ARHGAP32: variants seen among roughly 807,000 people sequenced by gnomAD.
ARHGAP32 encodes rho GTPase-activating protein 32.
ARHGAP32 carries 51 observed loss-of-function variants against 186.5 expected under a neutral mutation model. That is an observed-to-expected ratio of 0.27 (90% CI 0.22 to 0.35). ARHGAP32 has a LOEUF of 0.35. Ranked by LOEUF, ARHGAP32 falls within the 10% of genes least tolerant of loss-of-function variation. The probability of loss-of-function intolerance (pLI) is 1.00; values close to 1 mark genes in which losing one functional copy is unlikely to be tolerated. For synonymous variants in ARHGAP32, 950 were observed against 964.3 expected (o/e 0.99, Z 0.27); for missense variants, 2,186 against 2,623.5 (o/e 0.83, Z 3.64).
chr11:128,989,516 T>TCACACACACACACACA (rs56090706), intron 12 of ARHGAP32, among the ~76,000 whole-genome samples: 2,357 of 138,912 alleles, frequency 0.017, 42 homozygotes, highest in Non-Finnish European at 0.022. Context: ...GTTTTTTATT[T>TCACACACACACACACA]CACACACACA....
chr11:129,071,527 A>G (rs1174959242), intron 6 of ARHGAP32, among the ~76,000 whole-genome samples: 3 of 152,168 alleles, frequency 2.0e-5, no homozygotes, highest in Admixed American at 1.3e-4. Context: ...TGCATCCGTC[A>G]AAATGGCTAT....
chr11:129,190,553 G>A (rs190002483), intron 1 of ARHGAP32, among the ~76,000 whole-genome samples: 2 of 152,290 alleles, frequency 1.3e-5, no homozygotes, highest in African/African-American at 4.8e-5. Flanking sequence ...AGGAAAAGAA[G>A]AGCTCATCCT....
At chr11:129,037,359 T>C (rs368967367) in intron 11 of ARHGAP32, among the ~76,000 whole-genome samples, 344 of 150,698 alleles carry the variant, frequency 2.3e-3, no homozygotes, top group African/African-American at 8.4e-3. Context: ...CCTGGCACAG[T>C]GGCACATGCC....
At chr11:129,049,585 G>A (rs749819379) in intron 10 of ARHGAP32, among the ~76,000 whole-genome samples, 2 of 151,920 alleles carry the variant, frequency 1.3e-5, no homozygotes, top group Admixed American at 6.6e-5. Context: ...TTTTTATCAC[G>A]ATATATTACT....
intron 3 of ARHGAP32, 64 bp downstream of exon 3, chr11:129,124,739 G>C (rs960925475): frequency 7.9e-7 from 1 of 1,267,550 alleles, no homozygotes; most frequent in African/African-American, 1.5e-5. Flanking sequence ...AGTTTTAAGA[G>C]AATTGAAGAA....
intron 1 of ARHGAP32, among the ~76,000 whole-genome samples, chr11:129,217,116 C>T (rs1944658447): frequency 6.6e-6 from 1 of 151,944 alleles, no homozygotes; most frequent in Non-Finnish European, 1.5e-5. Flanking sequence ...ATAGTTTTGA[C>T]TTTATGTTTG....
At chr11:129,112,150 G>T (rs1349575589) in intron 5 of ARHGAP32, among the ~76,000 whole-genome samples, 1 of 152,062 alleles carries the variant, frequency 6.6e-6, no homozygotes, top group African/African-American at 2.4e-5. Context: ...GGCTGAGACA[G>T]GAGAATTGTT....
At chr11:129,089,159 T>A (rs1476316630) in intron 6 of ARHGAP32, among the ~76,000 whole-genome samples, 1 of 152,188 alleles carries the variant, frequency 6.6e-6, no homozygotes, top group African/African-American at 2.4e-5. Flanking sequence ...GATAAGAATT[T>A]GTTCTTCTTT....
At position 129,055,846 on chromosome 11, in the gene ARHGAP32, C is replaced by T. The variant is rs1412275506; in HGVS notation, c.963+6434G>A. Among the ~76,000 whole-genome samples the T allele has an allele frequency of 2.6e-5, 4 of 152,170 alleles. No homozygotes were observed. In the South Asian group the frequency reaches 8.3e-4, roughly 32 times the overall value. On this transcript the variant is annotated intron_variant, in intron 10 of 22. Coordinates refer to ENST00000682385, the MANE Select transcript of ARHGAP32 (RefSeq NM_001378024.1). Reference sequence around the variant, plus strand: ...AGTATGAAAACTATAATGGTGGATACATGCTATTACACATTTGTCAAAACC... The same window carrying T: ...AGTATGAAAACTATAATGGTGGATATATGCTATTACACATTTGTCAAAACC...
intron 10 of ARHGAP32, among the ~76,000 whole-genome samples, chr11:129,052,878 T>C (rs1940110028): frequency 6.6e-6 from 1 of 152,108 alleles, no homozygotes; most frequent in South Asian, 2.1e-4. Context: ...GTTAAATAAT[T>C]TGTAAATTCC....
At chr11:129,268,664 CAAAAAAAAAAAAAAAAAAAAAA>C (rs58858606) in intron 1 of ARHGAP32, among the ~76,000 whole-genome samples, 1 of 46,380 alleles carries the variant, frequency 2.2e-5, no homozygotes, top group Non-Finnish European at 3.6e-5. Context: ...GCCTCCTCAC[CAAAAAAAAAAAAAAAAAAAAAA>C]AAAAAAAAAG....
Position 128,969,174 on chromosome 11 carries a change from C to A in ARHGAP32, c.6039G>T (p.Arg2013Ser). The change falls in exon 23 of 23, where the codon AGG becomes AGT. Residue 2013 changes from arginine (R) to serine (S), a missense_variant. Transcript: ENST00000682385. The surrounding 1 kb of genome is among the most constrained non-coding windows in gnomAD (Gnocchi z 4.8). Reference protein sequence around the residue: ...LKLHHTQNVERDPSVLYQYQP... With the variant: ...LKLHHTQNVESDPSVLYQYQP... ...GGTACTGGTACAGCACACTGGGGTC[C>A]CTCTCCACGTTCTGGGTATGATGGA... The A allele has an allele frequency of 6.2e-7, 1 of 1,613,486 alleles. No individual in the cohort carries two copies. Among genetic ancestry groups the A allele is most frequent in the Non-Finnish European group, 8.5e-7 (1 of 1,179,696 alleles).
intron 1 of ARHGAP32, among the ~76,000 whole-genome samples, chr11:129,239,463 G>T (rs1175409712): frequency 1.3e-5 from 2 of 152,134 alleles, no homozygotes; most frequent in South Asian, 4.1e-4. Flanking sequence ...AGCTGTCCCA[G>T]AAGTGAGGCC....
chr11:129,153,350 C>G (rs1943331032), intron 2 of ARHGAP32, among the ~76,000 whole-genome samples: 1 of 152,020 alleles, frequency 6.6e-6, no homozygotes. Flanking sequence ...CATCAAAATA[C>G]CAGCATCATT....
chr11:129,045,455 TG>T (rs1939769520), intron 10 of ARHGAP32, among the ~76,000 whole-genome samples: 1 of 152,362 alleles, frequency 6.6e-6, no homozygotes, highest in South Asian at 2.1e-4. Context: ...TCTATGAATT[TG>T]TGAAAGGCAA....
chr11:129,123,197 G>A lies in ARHGAP32; in HGVS notation c.444+249C>T, dbSNP rs566715340. ...ACATATGGACATGATACAGGAAAAC[G>A]GAGGGGGACAGGACTGATTTTCCTT... On this transcript the variant is annotated intron_variant, in intron 5 of 22. Transcript: ENST00000682385. The surrounding 1 kb of genome is among the most constrained non-coding windows in gnomAD (Gnocchi z 4.6). Among the ~76,000 whole-genome samples the A allele has an allele frequency of 3.9e-4, 59 of 151,994 alleles. No individual in the cohort carries two copies. Among genetic ancestry groups the A allele is most frequent in the Non-Finnish European group, 7.2e-4 (49 of 67,946 alleles).
chr11:129,075,488 G>C (rs1241619464), intron 6 of ARHGAP32, among the ~76,000 whole-genome samples: 1 of 152,094 alleles, frequency 6.6e-6, no homozygotes, highest in Non-Finnish European at 1.5e-5. Context: ...TGAAAGTACT[G>C]TGAGGCAAAT....
chr11:129,098,396 A>G (rs1941792284), intron 5 of ARHGAP32, among the ~76,000 whole-genome samples: 1 of 152,052 alleles, frequency 6.6e-6, no homozygotes, highest in South Asian at 2.1e-4. Context: ...TCTAAAGGCT[A>G]GCATTATTTA....
At chr11:129,161,182 A>C (rs958550815) in intron 2 of ARHGAP32, among the ~76,000 whole-genome samples, 3 of 152,186 alleles carry the variant, frequency 2.0e-5, no homozygotes, top group African/African-American at 4.8e-5. Flanking sequence ...TAAACATAAG[A>C]CCTAAAACCA....
Sources: gnomAD v4.1 joint callset for allele counts (sites outside exome capture counted in the v4.1 genomes callset) on GRCh38, gnomAD v4.1.1 for gene constraint, Gnocchi (gnomAD v3.1) non-coding constraint, MANE v1.5 for transcripts, NCBI Gene and HGNC (gene_info 2026-07-23, HGNC 2026-07-21) for gene names.